Variants in KRT73 observed in about 807,000 individuals in gnomAD.
KRT73 encodes keratin, type II cytoskeletal 73.
KRT73 carries 44 observed loss-of-function variants against 47.2 expected under a neutral mutation model. The ratio of observed to expected loss-of-function variants is 0.93; its 90% confidence interval spans 0.73 to 1.20. The LOEUF is 1.20. Ranked by LOEUF, KRT73 falls within the 50% of genes most tolerant of loss-of-function variation. The probability of loss-of-function intolerance (pLI) is 0.00; values close to 1 mark genes in which losing one functional copy is unlikely to be tolerated. For missense variants in KRT73, 713 were observed against 704.5 expected (o/e 1.01, Z -0.14); for synonymous variants, 285 against 291.3 (o/e 0.98, Z 0.22).
At chr12:52,626,499 T>C in the KRT73 span, among the ~76,000 whole-genome samples, 1 of 152,238 alleles carries the variant, frequency 6.6e-6, no homozygotes, top group South Asian at 2.1e-4. Context: ...TCAGGAGTTG[T>C]GCCTTTTAAC....
chr12:52,610,681 C>A lies in KRT73; in HGVS notation c.1265G>T (p.Ser422Ile). ...CTCAATATCCAGGGACAGCTTCACG[C>A]TCAAAAGCTCTTGGTACTCGCGCAG... The part of the protein sequence containing the change: ...RMLREYQELL[S>I]VKLSLDIEIA... Residue 422 changes from serine to isoleucine, a missense_variant, in exon 7 of 9, where the codon AGC becomes ATC. Coordinates refer to ENST00000305748, the MANE Select transcript of KRT73 (RefSeq NM_175068.3). 1 of 1,613,916 alleles carries A rather than the reference C, an allele frequency of 6.2e-7. No homozygotes were observed. Among genetic ancestry groups the A allele is most frequent in the African/African-American group, 1.3e-5 (1 of 74,934 alleles).
chr12:52,618,461 C>G lies in KRT73; in HGVS notation c.64G>C (p.Ala22Pro), dbSNP rs114854019. The change falls in exon 1 of 9, where the codon GCT (alanine) becomes CCT (proline). Residue 22 changes from alanine to proline, a missense_variant. By Grantham distance (27) the Ala-to-Pro change is conservative. Transcript: ENST00000305748. ...AAKGGFSGCSAVLSGGSSSSY... is the reference protein window; with the variant it reads ...AAKGGFSGCSPVLSGGSSSSY... ...GATGAGCTGCCCCCTGAGAGCACAG[C>G]GGAGCAGCCGCTGAAGCCCCCCTTG... 6.8e-6 allele frequency: 11 copies of G among 1,613,268 alleles called. No homozygotes were observed. Among genetic ancestry groups the G allele is most frequent in the Middle Eastern group, 1.7e-4 (1 of 6,052 alleles).
chr12:52,621,293 G>GGGGGGA (rs1565632567), upstream of KRT73, among the ~76,000 whole-genome samples: 7 of 128,230 alleles, frequency 5.5e-5, no homozygotes, highest in African/African-American at 1.4e-4. Flanking sequence ...GAAAGAAAGG[G>GGGGGGA]GGGGGGGGGG....
rs1940794978 is a variant in KRT73, at chr12:52,615,358, A to G, written c.663-19T>C. 4 of 1,608,016 alleles carry G rather than the reference A, an allele frequency of 2.5e-6. No individual in the cohort carries two copies. The highest frequency in any genetic ancestry group is 3.4e-6 in the Non-Finnish European group (4 of 1,174,536). On this transcript the variant is annotated intron_variant, in intron 2 of 8. Coordinates refer to ENST00000305748, the MANE Select transcript of KRT73 (RefSeq NM_175068.3). Reference sequence around the variant, plus strand: ...TTCATACCTGCAGGGAAAGCATCACAGGAAGCAGAGTGTGTGTCTGTGTGT... The same window carrying G: ...TTCATACCTGCAGGGAAAGCATCACGGGAAGCAGAGTGTGTGTCTGTGTGT...
upstream of KRT73, among the ~76,000 whole-genome samples, chr12:52,621,293 G>GC (rs201484689): frequency 0.071 from 9,166 of 128,198 alleles, 768 homozygotes; most frequent in African/African-American, 0.17. Context: ...GAAAGAAAGG[G>GC]GGGGGGGGGG....
chr12:52,627,873 A>G, the KRT73 span, among the ~76,000 whole-genome samples: 1 of 152,016 alleles, frequency 6.6e-6, no homozygotes, highest in Admixed American at 6.5e-5. Flanking sequence ...GTCAGCACAG[A>G]CAGCCAAGCA....
intron 1 of KRT73, among the ~76,000 whole-genome samples, chr12:52,616,817 G>T (rs1002343202): frequency 6.6e-6 from 1 of 152,130 alleles, no homozygotes; most frequent in Non-Finnish European, 1.5e-5. Flanking sequence ...CCCTCCTTGT[G>T]CGTGGGCTCT....
chr12:52,616,502 A>T, intron 1 of KRT73, 122 bp from the exon 2 acceptor site: 1 of 1,237,266 alleles, frequency 8.1e-7, no homozygotes, highest in Non-Finnish European at 1.1e-6. Flanking sequence ...AGCCCTTAAA[A>T]ACTGCCACCC....
rs1940696524 is a variant in KRT73, at chr12:52,611,276, G to T, written c.1038C>A (p.Thr346=). The change falls in exon 6 of 9, where the codon ACC becomes ACA. Residue 346 remains threonine, a synonymous_variant. Coordinates refer to ENST00000305748, the MANE Select transcript of KRT73 (RefSeq NM_175068.3). ...GGGTCAGCTCTGAGATCTCATTTTT[G>T]GTGTGTTTCAGGTCATCCCCATGCC... ...AGRHGDDLKH[T]KNEISELTRL... The T allele has an allele frequency of 6.2e-7, 1 of 1,613,980 alleles. No homozygotes were observed. Among genetic ancestry groups the T allele is most frequent in the South Asian group, 1.1e-5 (1 of 91,074 alleles).
At chr12:52,615,184 G>C (rs1029740717) in intron 3 of KRT73, 95 bp downstream of exon 3, 17 of 1,046,648 alleles carry the variant, frequency 1.6e-5, no homozygotes, top group Non-Finnish European at 2.3e-5. Flanking sequence ...TTGGCTCCAG[G>C]CCCTTCTGCG....
At chr12:52,619,529 C>T (rs1940869693), upstream of KRT73, among the ~76,000 whole-genome samples, 1 of 152,228 alleles carries the variant, frequency 6.6e-6, no homozygotes, top group Non-Finnish European at 1.5e-5. Context: ...CTTCTGACTC[C>T]ACATTCAGAG....
intron 3 of KRT73, chr12:52,615,078 G>A (rs561791196): frequency 1.8e-6 from 1 of 544,992 alleles, no homozygotes; most frequent in South Asian, 2.8e-5. Flanking sequence ...TCCACATCTA[G>A]GTTCCTGTCC....
At chr12:52,627,911 G>A in the KRT73 span, among the ~76,000 whole-genome samples, 1 of 152,158 alleles carries the variant, frequency 6.6e-6, no homozygotes, top group East Asian at 1.9e-4. Context: ...ACATGTGTGT[G>A]TGTGTGTGTG....
chr12:52,620,109 CTT>C (rs10638831), upstream of KRT73, among the ~76,000 whole-genome samples: 3,818 of 94,316 alleles, frequency 0.04, 95 homozygotes, highest in African/African-American at 0.16. Flanking sequence ...TCCTTTTTTT[CTT>C]TTTTTTTTTT....
chr12:52,613,463 T>G, intron 5 of KRT73: 1 of 678,464 alleles, frequency 1.5e-6, no homozygotes, highest in Non-Finnish European at 2.2e-6. Flanking sequence ...TTACACCACA[T>G]TCACCTGCAC....
chr12:52,617,666 G>T (rs1940839395), intron 1 of KRT73, among the ~76,000 whole-genome samples: 1 of 152,196 alleles, frequency 6.6e-6, no homozygotes, highest in South Asian at 2.1e-4. Context: ...CTGTCACTCT[G>T]CTACTTCTCA....
At chr12:52,620,827 A>G (rs956203009), upstream of KRT73, among the ~76,000 whole-genome samples, 2 of 152,136 alleles carry the variant, frequency 1.3e-5, no homozygotes, top group African/African-American at 4.8e-5. Context: ...TTGTTGTCCA[A>G]ACAACAGCAT....
intron 5 of KRT73, 121 bp downstream of exon 5, chr12:52,613,567 C>T: frequency 5.3e-6 from 8 of 1,523,476 alleles, no homozygotes; most frequent in Non-Finnish European, 6.2e-6. Context: ...CCCCCAGTGC[C>T]CAGGAGAGTG....
At chr12:52,618,644 TG>T (rs1472409954), upstream of KRT73, 4 of 1,084,660 alleles carry the variant, frequency 3.7e-6, no homozygotes, top group Non-Finnish European at 5.2e-6. Context: ...GCCTAATTTG[TG>T]GGTTCAGTTT....
Sources: allele counts gnomAD v4.1 joint callset (sites outside exome capture counted in the v4.1 genomes callset), GRCh38; gene constraint gnomAD v4.1.1; transcripts MANE v1.5; gene names NCBI Gene and HGNC (gene_info 2026-07-23, HGNC 2026-07-21).